The following LRRTM3 variants were observed in gnomAD, a reference collection of about 807,000 sequenced individuals.
LRRTM3 encodes the protein leucine-rich repeat transmembrane neuronal protein 3.
Under a neutral mutation model 44.7 loss-of-function variants are expected in LRRTM3, and 24 were observed. The ratio of observed to expected loss-of-function variants is 0.54; its 90% CI spans 0.39 to 0.76. LRRTM3 has a LOEUF of 0.76. Ranked by LOEUF, LRRTM3 falls within the 30% of genes least tolerant of loss-of-function variation. The pLI, the probability that LRRTM3 is intolerant of heterozygous loss-of-function variation, is 0.00. For missense variants in LRRTM3, 587 were observed against 702.2 expected, an observed-to-expected ratio of 0.84 and a Z score of 1.85; for synonymous variants, 277 against 278.7, an observed-to-expected ratio of 0.99 and a Z score of 0.06.
In LRRTM3 at chr10:67,040,176, T is replaced by C. The variant is rs1854303673; in HGVS notation, c.1537-57411T>C. Among the ~76,000 whole-genome samples the C allele has an allele frequency of 2.6e-5, 4 of 152,110 alleles. No individual in the cohort carries two copies. In the South Asian group the frequency reaches 8.3e-4, roughly 32 times the overall value. On this transcript the variant is annotated intron_variant, in intron 2 of 2. Transcript: ENST00000361320. ...GCATGTTAAGTGAAGGGAAACAAGC[T>C]CTAATGGTGCCCTTTAATGTTCTGA... is the stretch of plus-strand genomic sequence containing the variant.
chr10:66,978,067 TACACACACAC>T (rs3056586), intron 2 of LRRTM3, among the ~76,000 whole-genome samples: 7 of 113,998 alleles, frequency 6.1e-5, no homozygotes, highest in Non-Finnish European at 1.2e-4. Flanking sequence ...TATATATATA[TACACACACAC>T]ACACACACAC....
rs1260643399 is a variant in LRRTM3, at chr10:66,926,115, T to C, written c.-469T>C. ...CGCGGTACGGGGCTCTCCTGCCTTC[T>C]GGGCTCCAACGCAGCTCTGTGGCTG... On this transcript the variant is annotated 5_prime_UTR_variant, in exon 1 of 3. Transcript: ENST00000361320. 8.7e-6 allele frequency: 4 copies of C among 458,770 alleles called. No homozygotes were observed. Among genetic ancestry groups the C allele is most frequent in the Non-Finnish European group, 1.8e-5 (4 of 228,430 alleles). 28.4% of individuals were successfully genotyped at this position (458,770 alleles called of 1,614,324 possible).
intron 2 of LRRTM3, among the ~76,000 whole-genome samples, chr10:66,944,291 C>G (rs1848169421): frequency 6.6e-6 from 1 of 152,168 alleles, no homozygotes; most frequent in Admixed American, 6.5e-5. Context: ...TCTCAAGAGA[C>G]AACTTTCTCT....
At chr10:67,075,251 G>A (rs990729565) in intron 2 of LRRTM3, among the ~76,000 whole-genome samples, 1 of 151,348 alleles carries the variant, frequency 6.6e-6, no homozygotes, top group African/African-American at 2.4e-5. Context: ...ATAATGGTCA[G>A]AAATCTTAAA....
At chr10:67,038,258 C>G (rs1235066721) in intron 2 of LRRTM3, among the ~76,000 whole-genome samples, 2 of 151,900 alleles carry the variant, frequency 1.3e-5, no homozygotes, top group Admixed American at 6.6e-5. Flanking sequence ...AAAATCTATC[C>G]TCCTAAAATA....
At chr10:67,045,153 TACA>T (rs1279789361) in intron 2 of LRRTM3, among the ~76,000 whole-genome samples, 6 of 152,198 alleles carry the variant, frequency 3.9e-5, no homozygotes, top group African/African-American at 1.2e-4. Context: ...TGCTGAAGCA[TACA>T]ACAAAATACA....
chr10:67,068,690 A>G (rs924237059), intron 2 of LRRTM3, among the ~76,000 whole-genome samples: 5 of 152,260 alleles, frequency 3.3e-5, no homozygotes, highest in African/African-American at 1.2e-4. Context: ...ATCAACAGCA[A>G]ATGACCCAAA....
At chr10:66,935,644 A>T (rs993385043) in intron 2 of LRRTM3, among the ~76,000 whole-genome samples, 37 of 151,690 alleles carry the variant, frequency 2.4e-4, no homozygotes, top group Non-Finnish European at 4.4e-5. Context: ...ATATATATAT[A>T]TTTTCCTATT....
At chr10:66,947,283 C>T (rs1019886943) in intron 2 of LRRTM3, among the ~76,000 whole-genome samples, 3 of 152,144 alleles carry the variant, frequency 2.0e-5, no homozygotes, top group African/African-American at 2.4e-5. Flanking sequence ...TGTACAGATG[C>T]ATTTCTTGAG....
At position 67,089,788 on chromosome 10, in the gene LRRTM3, C is replaced by A. The variant is rs190955781; in HGVS notation, c.1537-7799C>A. Among the ~76,000 whole-genome samples, 274 of 150,976 alleles carry A rather than the reference C, an allele frequency of 1.8e-3. 3 individuals are homozygous for A. Among genetic ancestry groups the A allele is most frequent in the African/African-American group, 5.8e-3 (238 of 41,124 alleles). On this transcript the variant is annotated intron_variant, in intron 2 of 2. Transcript: ENST00000361320. ...ACATATACTGTATTTGTCTCCTAGG[C>A]CCCCCATCCATTGCCTTCCTTTACT... is the stretch of plus-strand genomic sequence containing the variant.
intron 2 of LRRTM3, among the ~76,000 whole-genome samples, chr10:66,978,303 A>G (rs1850179532): frequency 1.3e-5 from 2 of 151,922 alleles, no homozygotes; most frequent in South Asian, 4.2e-4. Flanking sequence ...AGGCAGGTGG[A>G]TTACTTGAGG....
intron 2 of LRRTM3, among the ~76,000 whole-genome samples, chr10:66,940,139 C>T (rs569244493): frequency 7.9e-5 from 12 of 152,122 alleles, no homozygotes; most frequent in Admixed American, 5.2e-4. Context: ...GGCTCCAGAG[C>T]GCATAGTTTG....
chr10:67,046,757 A>G (rs1019174740), intron 2 of LRRTM3, among the ~76,000 whole-genome samples: 2 of 152,172 alleles, frequency 1.3e-5, no homozygotes, highest in Non-Finnish European at 2.9e-5. Flanking sequence ...TCTAGTTCTG[A>G]ATAAATAAAA....
chr10:67,019,018 A>G (rs1416716641), intron 2 of LRRTM3, among the ~76,000 whole-genome samples: 2 of 152,178 alleles, frequency 1.3e-5, no homozygotes, highest in African/African-American at 4.8e-5. Context: ...CAGGAATTAG[A>G]TCTTCTGTTC....
chr10:67,051,198 T>A (rs1260925896), intron 2 of LRRTM3, among the ~76,000 whole-genome samples: 7 of 152,222 alleles, frequency 4.6e-5, no homozygotes, highest in Admixed American at 4.6e-4. Context: ...TTATTATTCC[T>A]CTAGTTCTCA....
At chr10:67,062,475 T>A (rs1855817104) in intron 2 of LRRTM3, among the ~76,000 whole-genome samples, 1 of 152,168 alleles carries the variant, frequency 6.6e-6, no homozygotes, top group African/African-American at 2.4e-5. Context: ...GTACATTCAT[T>A]GTATTTCAAT....
At chr10:67,034,316 C>T (rs1023605608) in intron 2 of LRRTM3, among the ~76,000 whole-genome samples, 1 of 152,170 alleles carries the variant, frequency 6.6e-6, no homozygotes, top group African/African-American at 2.4e-5. Flanking sequence ...ATTCAACAAG[C>T]ACAAATCAAG....
At chr10:67,002,211 G>A (rs953300997) in intron 2 of LRRTM3, among the ~76,000 whole-genome samples, 3 of 152,038 alleles carry the variant, frequency 2.0e-5, no homozygotes, top group Non-Finnish European at 4.4e-5. Flanking sequence ...CGAATGGGAA[G>A]CTTTTTCAAA....
chr10:67,086,950 A>AT (rs1857346094), intron 2 of LRRTM3, among the ~76,000 whole-genome samples: 1 of 152,008 alleles, frequency 6.6e-6, no homozygotes, highest in South Asian at 2.1e-4. Context: ...TTCCAAGGGG[A>AT]TTAAAAAAAG....
Sources: gnomAD v4.1 joint callset for allele counts (sites outside exome capture counted in the v4.1 genomes callset) on GRCh38, gnomAD v4.1.1 for gene constraint, MANE v1.5 for transcripts, NCBI Gene and HGNC (gene_info 2026-07-23, HGNC 2026-07-21) for gene names.